IL1RAPL2: variants seen among roughly 807,000 people sequenced by gnomAD.
IL1RAPL2 encodes interleukin 1 receptor accessory protein like 2, also known as X-linked interleukin-1 receptor accessory protein-like 2.
In IL1RAPL2, 3 loss-of-function variants were observed where a neutral mutation model predicts 44.1. That is an observed-to-expected ratio of 0.07 (90% CI 0.03 to 0.18). IL1RAPL2 has a LOEUF of 0.18. Ranked by LOEUF, IL1RAPL2 falls within the 10% of genes least tolerant of loss-of-function variation. The probability of loss-of-function intolerance (pLI) is 1.00; values close to 1 mark genes in which losing one functional copy is unlikely to be tolerated. For synonymous variants in IL1RAPL2, 181 were observed against 178.8 expected, an observed-to-expected ratio of 1.01 and a Z score of -0.10; for missense variants, 391 against 496.4, an observed-to-expected ratio of 0.79 and a Z score of 2.02.
chrX:104,575,323 C>T (rs1410215032), intron 1 of IL1RAPL2, among the ~76,000 whole-genome samples: 2 of 110,967 alleles, frequency 1.8e-5, no homozygotes, highest in Non-Finnish European at 3.8e-5. Flanking sequence ...TTTATATTAG[C>T]TCAAAAATAT....
chrX:104,990,356 C>G (rs769724905), intron 2 of IL1RAPL2, among the ~76,000 whole-genome samples: 5 of 111,676 alleles, frequency 4.5e-5, no homozygotes, highest in Non-Finnish European at 9.4e-5. Flanking sequence ...AATAAAACTC[C>G]GTAACATTTT....
intron 2 of IL1RAPL2, among the ~76,000 whole-genome samples, chrX:104,868,958 T>A (rs1480867359): frequency 8.9e-6 from 1 of 111,890 alleles, no homozygotes. Context: ...TCGTTTCTTT[T>A]TTTCTGAGCA....
intron 2 of IL1RAPL2, among the ~76,000 whole-genome samples, chrX:105,087,704 GT>G: frequency 8.9e-6 from 1 of 111,852 alleles, no homozygotes; most frequent in South Asian, 3.7e-4. Context: ...CTTTCTCTCT[GT>G]TTTCTCATAT....
intron 5 of IL1RAPL2, among the ~76,000 whole-genome samples, chrX:105,346,807 T>A (rs1311504689): frequency 8.9e-6 from 1 of 111,790 alleles, no homozygotes; most frequent in Non-Finnish European, 1.9e-5. Context: ...AGCAGATTTT[T>A]AAAAAAAGAC....
chrX:104,888,830 G>C (rs1407645014), intron 2 of IL1RAPL2, among the ~76,000 whole-genome samples: 1 of 111,604 alleles, frequency 9.0e-6, no homozygotes, highest in Non-Finnish European at 1.9e-5. Context: ...CCCCATTTCT[G>C]ATAGGACCAA....
At chrX:105,678,191 A>G (rs1461687883) in intron 6 of IL1RAPL2, among the ~76,000 whole-genome samples, 1 of 112,408 alleles carries the variant, frequency 8.9e-6, no homozygotes, top group African/African-American at 3.2e-5. Context: ...TGAGTAACAC[A>G]TGAGCAATAA....
intron 4 of IL1RAPL2, among the ~76,000 whole-genome samples, chrX:105,246,634 G>A (rs1044742303): frequency 1.8e-5 from 2 of 111,595 alleles, no homozygotes; most frequent in African/African-American, 6.5e-5. Context: ...TTGTCTGGAT[G>A]TAGTGATATG....
chrX:105,465,550 G>C (rs1338301463), intron 5 of IL1RAPL2, among the ~76,000 whole-genome samples: 2 of 111,677 alleles, frequency 1.8e-5, no homozygotes, highest in African/African-American at 3.2e-5. Flanking sequence ...AAATGTACTA[G>C]GATGTTAATA....
At chrX:105,702,170 C>G (rs1340351906) in intron 6 of IL1RAPL2, among the ~76,000 whole-genome samples, 4 of 111,615 alleles carry the variant, frequency 3.6e-5, no homozygotes, top group African/African-American at 1.3e-4. Context: ...TTACGGCATT[C>G]TTTATGAGCT....
At chrX:104,774,016 T>C (rs1018043195) in intron 2 of IL1RAPL2, among the ~76,000 whole-genome samples, 9 of 111,919 alleles carry the variant, frequency 8.0e-5, no homozygotes, top group South Asian at 7.5e-4. Flanking sequence ...TGAACAAACA[T>C]ATTCAGGCGC....
intron 4 of IL1RAPL2, among the ~76,000 whole-genome samples, chrX:105,248,372 C>G (rs1569412859): frequency 9.0e-6 from 1 of 111,423 alleles, no homozygotes; most frequent in Non-Finnish European, 1.9e-5. Context: ...ACGACAACAA[C>G]AAAAAATAGA....
At chrX:105,397,890 C>T (rs1410850657) in intron 5 of IL1RAPL2, among the ~76,000 whole-genome samples, 1 of 108,951 alleles carries the variant, frequency 9.2e-6, no homozygotes, top group Non-Finnish European at 1.9e-5. Context: ...CTTTTTTTTT[C>T]CCCAATTTTC....
At chrX:104,866,617 T>C (rs1288660509) in intron 2 of IL1RAPL2, among the ~76,000 whole-genome samples, 3 of 112,184 alleles carry the variant, frequency 2.7e-5, no homozygotes, top group Non-Finnish European at 5.6e-5. Flanking sequence ...ATTTTCTCTC[T>C]GACTTTTCAT....
intron 6 of IL1RAPL2, among the ~76,000 whole-genome samples, chrX:105,523,432 T>C (rs2036573238): frequency 8.9e-6 from 1 of 111,760 alleles, no homozygotes; most frequent in Non-Finnish European, 1.9e-5. Flanking sequence ...AGCATGTTTT[T>C]CACAGAGCCT....
intron 2 of IL1RAPL2, among the ~76,000 whole-genome samples, chrX:104,981,055 TTGTGTGTGTGTGTGTG>T (rs199571900): frequency 2.1e-5 from 2 of 97,390 alleles, no homozygotes; most frequent in African/African-American, 3.9e-5. Flanking sequence ...TTCCAAGGTA[TTGTGTGTGTGTGTGTG>T]TGTGTGTGTG....
At chrX:104,619,245 G>A (rs1370577910) in intron 1 of IL1RAPL2, among the ~76,000 whole-genome samples, 3 of 112,293 alleles carry the variant, frequency 2.7e-5, no homozygotes, top group East Asian at 2.8e-4. Flanking sequence ...CTTTGTATGT[G>A]CCCAGATTAA....
chrX:104,906,254 G>A (rs1199634297), intron 2 of IL1RAPL2, among the ~76,000 whole-genome samples: 3 of 111,125 alleles, frequency 2.7e-5, no homozygotes, highest in Non-Finnish European at 5.7e-5. Flanking sequence ...CTGCAAACGG[G>A]GACAATTTGA....
chrX:105,122,817 A>T (rs1336306595), intron 2 of IL1RAPL2, among the ~76,000 whole-genome samples: 1 of 111,350 alleles, frequency 9.0e-6, no homozygotes, highest in Non-Finnish European at 1.9e-5. Flanking sequence ...GAGCAAAATG[A>T]AGTCTGTGCT....
At chrX:104,972,968 T>A (rs899219696) in intron 2 of IL1RAPL2, among the ~76,000 whole-genome samples, 1 of 112,035 alleles carries the variant, frequency 8.9e-6, no homozygotes, top group Non-Finnish European at 1.9e-5. Context: ...ACAGGTTTAA[T>A]CCTCGATAGT....
Sources: allele counts gnomAD v4.1 joint callset (sites outside exome capture counted in the v4.1 genomes callset), GRCh38; gene constraint gnomAD v4.1.1; transcripts MANE v1.5; gene names NCBI Gene and HGNC (gene_info 2026-07-23, HGNC 2026-07-21).